The following SYNJ1 variants were observed in gnomAD, a reference collection of about 807,000 sequenced individuals.
SYNJ1 encodes the protein polyphosphatidylinositol phosphatase SYNJ1.
In SYNJ1, 78 loss-of-function variants were observed where a neutral mutation model predicts 168.2. The observed-to-expected ratio is 0.46, with a 90% CI of 0.39 to 0.56. The LOEUF (loss-of-function observed/expected upper bound fraction) is 0.56, where lower values mean the gene tolerates loss of function less well. SYNJ1 is among the 20% of genes least tolerant of loss of function. The pLI is 0.00. For missense variants in SYNJ1, 1,303 were observed against 1,597.6 expected, an observed-to-expected ratio of 0.82 and a Z score of 3.14; for synonymous variants, 539 against 548.6, an observed-to-expected ratio of 0.98 and a Z score of 0.24.
chr21:32,643,695 T>G (rs2145758727), intron 26 of SYNJ1, among the ~76,000 whole-genome samples: 1 of 152,246 alleles, frequency 6.6e-6, no homozygotes, highest in East Asian at 1.9e-4. Flanking sequence ...TTTCTTTTTA[T>G]GTATGCAATT....
intron 2 of SYNJ1, among the ~76,000 whole-genome samples, chr21:32,724,308 T>C (rs1419947857): frequency 6.6e-6 from 1 of 152,148 alleles, no homozygotes; most frequent in Non-Finnish European, 1.5e-5. Context: ...GCCAACATGA[T>C]GAAACCCTGT....
chr21:32,712,204 T>G (rs1394958853), intron 2 of SYNJ1, among the ~76,000 whole-genome samples: 1 of 152,182 alleles, frequency 6.6e-6, no homozygotes, highest in Non-Finnish European at 1.5e-5. Flanking sequence ...AGAACCACAA[T>G]TTGCCTGTGG....
At chr21:32,632,732 A>G (rs1290507462) in intron 32 of SYNJ1, among the ~76,000 whole-genome samples, 1 of 152,116 alleles carries the variant, frequency 6.6e-6, no homozygotes, top group Non-Finnish European at 1.5e-5. Context: ...AAACTGAGTA[A>G]TGTGAGGCTG....
In SYNJ1 at chr21:32,631,096, G is replaced by A. The variant is rs912535820; in HGVS notation, c.*709C>T. The stretch of plus-strand genomic sequence containing the variant: ...CCGGGCGGGAGCAGAGGGACAGGAG[G>A]TGGAGGAGGTCTTCTTGACGGCAAC... On this transcript the variant is annotated 3_prime_UTR_variant, in exon 33 of 33. Transcript: ENST00000674351. The A allele has an allele frequency of 8.1e-6, 13 of 1,614,106 alleles. No individual in the cohort carries two copies. The African/African-American group carries it at 1.6e-4, about 20-fold the overall frequency.
intron 2 of SYNJ1, among the ~76,000 whole-genome samples, chr21:32,718,497 C>T (rs911878071): frequency 3.3e-5 from 5 of 151,906 alleles, no homozygotes; most frequent in African/African-American, 1.2e-4. Context: ...TTTTTGCAAC[C>T]CTAACATAAA....
At chr21:32,638,827 A>G in intron 31 of SYNJ1, 81 bp downstream of exon 31, 1 of 1,321,508 alleles carries the variant, frequency 7.6e-7, no homozygotes, top group Non-Finnish European at 1.0e-6. Context: ...TTCTTATAAC[A>G]GGCAATAATT....
At position 32,666,480 on chromosome 21, in the gene SYNJ1, G is replaced by T; in HGVS notation, c.1905C>A (p.Gly635=). ...YVLLASEQLV[G]VCLFVFIRPQ... ...GTCTGATAAAAACAAACAAACAGAC[G>T]CCCACCAACTGTTCAGAAGCCAGCA... is the stretch of plus-strand genomic sequence containing the variant. Residue 635 remains glycine (G), a synonymous_variant, in exon 16 of 33, where the codon GGC becomes GGA. Transcript: ENST00000674351. 1 of 1,613,938 alleles carries T rather than the reference G, an allele frequency of 6.2e-7. No individual in the cohort carries two copies. The highest frequency in any genetic ancestry group is 1.3e-5 in the African/African-American group (1 of 74,992).
intron 21 of SYNJ1, 97 bp downstream of exon 21, chr21:32,656,590 C>A: frequency 9.1e-7 from 1 of 1,097,596 alleles, no homozygotes; most frequent in Non-Finnish European, 1.3e-6. Context: ...TGGTATCTTT[C>A]TTTTTTAAAA....
chr21:32,634,138 T>C (rs2039460229), intron 32 of SYNJ1, among the ~76,000 whole-genome samples: 1 of 152,248 alleles, frequency 6.6e-6, no homozygotes, highest in Admixed American at 6.5e-5. Context: ...AGTCACCTGC[T>C]GCATCAGTGC....
chr21:32,645,560 A>C (rs1027708266), intron 25 of SYNJ1, 86 bp downstream of exon 25: 1 of 1,411,898 alleles, frequency 7.1e-7, no homozygotes, highest in Non-Finnish European at 9.2e-7. Context: ...AAAATCCAGA[A>C]GCTAGAGATT....
At chr21:32,702,620 C>T (rs371564826) in intron 2 of SYNJ1, among the ~76,000 whole-genome samples, 52 of 152,158 alleles carry the variant, frequency 3.4e-4, no homozygotes, top group African/African-American at 1.2e-3. Context: ...AAAAATTTCA[C>T]AAAGAACCAA....
chr21:32,646,408 G>T lies in SYNJ1; in HGVS notation c.3232C>A (p.Pro1078Thr). ...PSRAPSRTPG[P>T]PSAQSSPIDA... is the part of the protein sequence containing the mutation. ...AAATGCATACTCTGTGCACTGGGAG[G>T]CCCAGGAGTTCTTGACGGTGCTCGG... Residue 1078 changes from proline (P) to threonine (T), a missense_variant, in exon 24 of 33, where the codon CCT (proline) becomes ACT (threonine). By Grantham distance (38) the Pro-to-Thr change is conservative (BLOSUM62 -1). Around this residue, in one of 2 missense-constraint regions of SYNJ1, gnomAD observed 383 missense variants for 388.8 expected, o/e 0.99. Transcript: ENST00000674351. The T allele has an allele frequency of 6.2e-7, 1 of 1,614,120 alleles. No individual in the cohort carries two copies. Among genetic ancestry groups the T allele is most frequent in the Non-Finnish European group, 8.5e-7 (1 of 1,179,986 alleles).
At position 32,645,711 on chromosome 21, in the gene SYNJ1, G is replaced by A; in HGVS notation, c.3326C>T (p.Pro1109Leu). ...PAQPLEPKRPPPPRPVAPPTR... is the reference protein window; with the variant it reads ...PAQPLEPKRPLPPRPVAPPTR... ...GGGAGGGGCGACCGGGCGGGGCGGCGGCGGCCGCTTGGGCTCCAAGGGCTG... is the reference window on the plus strand; with the variant it reads ...GGGAGGGGCGACCGGGCGGGGCGGCAGCGGCCGCTTGGGCTCCAAGGGCTG... The change falls in exon 25 of 33, where the codon CCG becomes CTG. Residue 1109 changes from proline to leucine, a missense_variant. Physicochemically the swap from Pro to Leu is moderately conservative, Grantham distance 98. Around this residue, in one of 2 missense-constraint regions of SYNJ1, gnomAD observed 383 missense variants for 388.8 expected, o/e 0.99. Transcript: ENST00000674351. 6.8e-7 allele frequency: 1 copy of A among 1,475,890 alleles called. No individual in the cohort carries two copies. Among genetic ancestry groups the A allele is most frequent in the Admixed American group, 2.7e-5 (1 of 36,606 alleles). 91.4% of individuals were successfully genotyped at this position (1,475,890 alleles called of 1,614,324 possible). A position where few individuals can be genotyped will look rare whatever the true frequency, so the allele number is the denominator to read the frequency against.
chr21:32,713,952 G>T (rs1231273241), intron 2 of SYNJ1, among the ~76,000 whole-genome samples: 1 of 152,148 alleles, frequency 6.6e-6, no homozygotes, highest in East Asian at 1.9e-4. Context: ...GGAGCATGAG[G>T]GGATTATTCT....
intron 2 of SYNJ1, among the ~76,000 whole-genome samples, chr21:32,707,471 G>C (rs147199259): frequency 1.2e-3 from 186 of 151,740 alleles, no homozygotes; most frequent in African/African-American, 4.4e-3. Flanking sequence ...GTAGTATTAG[G>C]ACTACAGGTA....
chr21:32,694,326 A>G lies in SYNJ1; in HGVS notation c.706-15T>C. 3.9e-6 allele frequency: 6 copies of G among 1,536,254 alleles called. No homozygotes were observed. The highest frequency in any genetic ancestry group is 2.4e-5 in the East Asian group (1 of 41,302). On this transcript the variant is annotated splice_polypyrimidine_tract_variant and intron_variant, in intron 5 of 32. Transcript: ENST00000674351. ...AAGTACACAACCTACAGAAAAAAAA[A>G]TAATATGTAAACTATTTCCACAGAA...
At chr21:32,660,022 C>T (rs2040624300) in intron 18 of SYNJ1, among the ~76,000 whole-genome samples, 1 of 152,192 alleles carries the variant, frequency 6.6e-6, no homozygotes, top group Non-Finnish European at 1.5e-5. Context: ...GGCAGGCCCC[C>T]ATGAGTTAAA....
chr21:32,681,456 AAG>A, intron 11 of SYNJ1, 38 bp downstream of exon 11: 3 of 1,547,598 alleles, frequency 1.9e-6, no homozygotes, highest in Non-Finnish European at 2.6e-6. Context: ...AGAGAGGAAA[AAG>A]AGGATATTCT....
At chr21:32,711,782 C>T (rs1441798044) in intron 2 of SYNJ1, among the ~76,000 whole-genome samples, 2 of 152,158 alleles carry the variant, frequency 1.3e-5, no homozygotes, top group African/African-American at 4.8e-5. Context: ...ATACCTATTT[C>T]TTGATTTTCA....
Sources: allele counts gnomAD v4.1 joint callset (sites outside exome capture counted in the v4.1 genomes callset), GRCh38; gene constraint gnomAD v4.1.1; regional missense constraint gnomAD v4.1.1; transcripts MANE v1.5; gene names NCBI Gene and HGNC (gene_info 2026-07-23, HGNC 2026-07-21).